ST8SIA1: variants seen among roughly 807,000 people sequenced by gnomAD.
ST8SIA1 encodes the protein ST8 alpha-N-acetyl-neuraminide alpha-2,8-sialyltransferase 1.
A neutral mutation model predicts 35.9 loss-of-function variants in ST8SIA1; 16 were observed. That is an observed-to-expected ratio of 0.45 (90% confidence interval 0.30 to 0.68). The LOEUF (loss-of-function observed/expected upper bound fraction) is 0.68. ST8SIA1 is among the 30% of genes least tolerant of loss of function. ST8SIA1 has a pLI of 0.09. For synonymous variants in ST8SIA1, 170 were observed against 169.6 expected, an observed-to-expected ratio of 1.00 and a Z score of -0.02; for missense variants, 383 against 453.6, an observed-to-expected ratio of 0.84 and a Z score of 1.41.
At chr12:22,225,026 A>G (rs1342308302) in intron 4 of ST8SIA1, among the ~76,000 whole-genome samples, 1 of 152,184 alleles carries the variant, frequency 6.6e-6, no homozygotes, top group Non-Finnish European at 1.5e-5. Context: ...AGAGGCAGAG[A>G]TGGAGTGCTG....
chr12:22,284,232 G>C (rs1314673603), intron 2 of ST8SIA1, among the ~76,000 whole-genome samples: 1 of 152,180 alleles, frequency 6.6e-6, no homozygotes, highest in East Asian at 1.9e-4. Flanking sequence ...CATATACGGA[G>C]TATTTAAGGG....
intron 2 of ST8SIA1, among the ~76,000 whole-genome samples, chr12:22,273,080 G>A (rs1383488440): frequency 6.6e-6 from 1 of 152,098 alleles, no homozygotes; most frequent in Admixed American, 6.5e-5. Flanking sequence ...TTATTCTGAG[G>A]TTTCTTACCG....
At chr12:22,294,266 T>C (rs1205496845) in intron 1 of ST8SIA1, among the ~76,000 whole-genome samples, 1 of 151,470 alleles carries the variant, frequency 6.6e-6, no homozygotes, top group Non-Finnish European at 1.5e-5. Context: ...GTGGTGATAA[T>C]ACTGCCTCTG....
chr12:22,249,220 G>GTTTTT, intron 3 of ST8SIA1, 122 bp from the exon 4 acceptor site: 1 of 439,356 alleles, frequency 2.3e-6, no homozygotes, highest in Non-Finnish European at 4.1e-6. Flanking sequence ...TTTGTTTTTT[G>GTTTTT]TTTTTTTTTT....
At chr12:22,212,836 T>C (rs906267330) in intron 4 of ST8SIA1, among the ~76,000 whole-genome samples, 1 of 152,164 alleles carries the variant, frequency 6.6e-6, no homozygotes, top group Non-Finnish European at 1.5e-5. Flanking sequence ...GTAGGCATAG[T>C]TAAACACTAA....
At chr12:22,302,713 G>A (rs1193292728) in intron 1 of ST8SIA1, among the ~76,000 whole-genome samples, 1 of 152,152 alleles carries the variant, frequency 6.6e-6, no homozygotes, top group Non-Finnish European at 1.5e-5. Context: ...CTAAGCTAAA[G>A]GGAAAAGTCA....
At chr12:22,333,299 G>A (rs1565599633) in intron 1 of ST8SIA1, among the ~76,000 whole-genome samples, 1 of 152,204 alleles carries the variant, frequency 6.6e-6, no homozygotes, top group Non-Finnish European at 1.5e-5. Flanking sequence ...GAGCTTTGGA[G>A]CTTTAAGTGA....
chr12:22,324,372 AC>A lies in ST8SIA1; in HGVS notation c.236+9624del, dbSNP rs201733661. On this transcript the variant is annotated intron_variant, in intron 1 of 4. Coordinates refer to ENST00000396037, the MANE Select transcript of ST8SIA1 (RefSeq NM_003034.4). ...AAGCAGGTAAGTGTTTAAGATGTAT[AC>A]AAAAGGATGATCACCACATCTTTAT... 1,249 of 152,330 alleles carry A rather than the reference AC, an allele frequency of 8.2e-3. 20 individuals are homozygous for A. Among genetic ancestry groups the A allele is most frequent in the African/African-American group, 0.029 (1,199 of 41,588 alleles). The allele number at this position is 152,330 out of a possible 1,614,324, so 9.4% of individuals were successfully genotyped here. A position where few individuals can be genotyped will look rare whatever the true frequency, so the allele number is the denominator to read the frequency against.
chr12:22,323,696 T>C (rs1591858170), intron 1 of ST8SIA1, among the ~76,000 whole-genome samples: 1 of 152,304 alleles, frequency 6.6e-6, no homozygotes, highest in Middle Eastern at 3.4e-3. Flanking sequence ...TGAGATGGTG[T>C]CCTTTGCAGG....
chr12:22,257,378 AT>A (rs34136511), intron 2 of ST8SIA1, among the ~76,000 whole-genome samples: 15,760 of 118,324 alleles, frequency 0.13, 1,067 homozygotes, highest in Middle Eastern at 0.21. Flanking sequence ...TGCCCAGCTA[AT>A]TTTTTTTTTT....
chr12:22,276,659 G>C (rs1389621895), intron 2 of ST8SIA1, among the ~76,000 whole-genome samples: 2 of 152,162 alleles, frequency 1.3e-5, no homozygotes, highest in Admixed American at 6.5e-5. Context: ...TGAAGTGGAG[G>C]GGGGAAAGCA....
At chr12:22,260,945 C>T (rs764925868) in intron 2 of ST8SIA1, among the ~76,000 whole-genome samples, 17 of 139,864 alleles carry the variant, frequency 1.2e-4, no homozygotes, top group Non-Finnish European at 1.8e-4. Flanking sequence ...GGTCCAATCA[C>T]GGCTCACAGC....
chr12:22,269,011 A>C (rs952986076), intron 2 of ST8SIA1, among the ~76,000 whole-genome samples: 2 of 152,194 alleles, frequency 1.3e-5, no homozygotes, highest in Middle Eastern at 3.2e-3. Flanking sequence ...GTAAAGCCAA[A>C]ATTTGAAGGC....
chr12:22,205,597 C>A lies in ST8SIA1; in HGVS notation c.585-3559G>T, dbSNP rs185216305. ...GATTCATACTTCACGAGACAATTAC[C>A]AAATAATTTTAAGATAAGTAAGATA... On this transcript the variant is annotated intron_variant, in intron 4 of 4. Coordinates refer to ENST00000396037, the MANE Select transcript of ST8SIA1 (RefSeq NM_003034.4). 1.2e-3 allele frequency among the ~76,000 whole-genome samples: 188 copies of A among 152,030 alleles called. 1 individual carries two copies. Among genetic ancestry groups the A allele is most frequent in the Non-Finnish European group, 2.2e-3 (148 of 67,958 alleles).
chr12:22,223,520 G>GT, intron 4 of ST8SIA1: 1 of 1,015,276 alleles, frequency 9.8e-7, no homozygotes, highest in Non-Finnish European at 1.2e-6. Context: ...ATGTACCTGT[G>GT]TGAGTCCTGA....
In ST8SIA1 at chr12:22,199,250, GGTTTAA is replaced by G. The variant is rs1865024916; in HGVS notation, c.*2296_*2301del. The stretch of plus-strand genomic sequence containing the variant: ...GGCTCACTGCAACCTCCACTTCCTG[GGTTTAA>G]GAGATTCTAGTCCAGATGATATTTT... On this transcript the variant is annotated 3_prime_UTR_variant, in exon 5 of 5. Coordinates refer to ENST00000396037, the MANE Select transcript of ST8SIA1 (RefSeq NM_003034.4). 1 of 150,648 alleles carries G rather than the reference GGTTTAA, an allele frequency of 6.6e-6. No individual in the cohort carries two copies. The highest frequency in any genetic ancestry group is 1.5e-5 in the Non-Finnish European group (1 of 67,830). 9.3% of individuals were successfully genotyped at this position (150,648 alleles called of 1,614,324 possible).
At chr12:22,266,848 T>TAC (rs145606826) in intron 2 of ST8SIA1, among the ~76,000 whole-genome samples, 32,912 of 144,808 alleles carry the variant, frequency 0.23, 4,371 homozygotes, top group East Asian at 0.5. Flanking sequence ...CACAAAAGTA[T>TAC]ACACACACAC....
At chr12:22,303,722 G>T (rs1380244055) in intron 1 of ST8SIA1, among the ~76,000 whole-genome samples, 5 of 150,862 alleles carry the variant, frequency 3.3e-5, no homozygotes, top group Non-Finnish European at 7.4e-5. Flanking sequence ...GGTTGTTTCC[G>T]TCTTTTTCCC....
At chr12:22,269,830 G>T (rs988906911) in intron 2 of ST8SIA1, among the ~76,000 whole-genome samples, 2 of 152,138 alleles carry the variant, frequency 1.3e-5, no homozygotes, top group African/African-American at 4.8e-5. Context: ...TCCATATAGA[G>T]GTCCTCCTGC....
Sources: allele counts gnomAD v4.1 joint callset (sites outside exome capture counted in the v4.1 genomes callset), GRCh38; gene constraint gnomAD v4.1.1; transcripts MANE v1.5; gene names NCBI Gene and HGNC (gene_info 2026-07-23, HGNC 2026-07-21).